Variants in NT5DC4 observed in about 807,000 individuals in gnomAD.
NT5DC4 encodes the protein 5'-nucleotidase domain-containing protein 4.
Under a neutral mutation model 26.6 loss-of-function variants are expected in NT5DC4, and 44 were observed. That is an observed-to-expected ratio of 1.65 (90% CI 1.30 to 2.13). The LOEUF (loss-of-function observed/expected upper bound fraction) is 2.13, where lower values mean the gene tolerates loss of function less well. Among genes scored for constraint, NT5DC4 ranks in the 30% most tolerant of loss-of-function variants. The pLI, the probability that NT5DC4 is intolerant of heterozygous loss-of-function variation, is 0.00. For missense variants in NT5DC4, 399 were observed against 228.1 expected (o/e 1.75, Z -4.83); for synonymous variants, 157 against 86.7 (o/e 1.81, Z -4.51).
upstream of NT5DC4, among the ~76,000 whole-genome samples, chr2:112,719,696 G>C (rs578176457): frequency 6.6e-6 from 1 of 151,950 alleles, no homozygotes; most frequent in Non-Finnish European, 1.5e-5. Context: ...GTGCTGGCCA[G>C]GCTTGTCTCA....
Position 112,738,998 on chromosome 2 carries a change from C to T in NT5DC4, c.*62C>T, listed in dbSNP as rs750251080. ...TGCTCGCTCAATCCTCGACGAACGC[C>T]GTACAGGAGTGATAAATTTCATGTC... is the stretch of plus-strand genomic sequence containing the variant. On this transcript the variant is annotated 3_prime_UTR_variant, in exon 17 of 17. Coordinates refer to ENST00000688554, the MANE Select transcript of NT5DC4 (RefSeq NM_001393655.1). 171 of 1,614,016 alleles carry T rather than the reference C, an allele frequency of 1.1e-4. No homozygotes were observed. Among genetic ancestry groups the T allele is most frequent in the Non-Finnish European group, 1.4e-4 (162 of 1,180,034 alleles).
chr2:112,723,019 AG>A, intron 6 of NT5DC4, 61 bp from the exon 7 acceptor site: 1 of 516,116 alleles, frequency 1.9e-6, no homozygotes, highest in Non-Finnish European at 3.7e-6. Flanking sequence ...TGTGGGACTC[AG>A]GGTTGGAGGT....
chr2:112,736,162 C>T lies in NT5DC4; in HGVS notation c.1345-2751C>T, dbSNP rs992961216. Among the ~76,000 whole-genome samples the T allele has an allele frequency of 4.6e-5, 7 of 152,108 alleles. No individual in the cohort carries two copies. The South Asian group carries it at 6.2e-4, about 14-fold the overall frequency. ...GGATCGATCATGAGAACCTGGTCGA[C>T]GGGCTTAGGACAGTGTCTGAGGTTC... On this transcript the variant is annotated intron_variant, in intron 16 of 16. Coordinates refer to ENST00000688554, the MANE Select transcript of NT5DC4 (RefSeq NM_001393655.1).
chr2:112,719,924 C>CTTTTTCTTTCTTTCTT, upstream of NT5DC4, among the ~76,000 whole-genome samples: 1 of 69,154 alleles, frequency 1.4e-5, no homozygotes, highest in African/African-American at 6.5e-5. Context: ...TTCTTTCTTT[C>CTTTTTCTTTCTTTCTT]TCTTTCTTTC....
intron 14 of NT5DC4, 69 bp downstream of exon 14, chr2:112,726,358 C>T (rs1447778324): frequency 1.4e-6 from 1 of 713,814 alleles, no homozygotes; most frequent in African/African-American, 1.7e-5. Flanking sequence ...GGCTCACATC[C>T]CTGCCTGGCG....
chr2:112,734,106 A>G (rs1238208861), intron 16 of NT5DC4, among the ~76,000 whole-genome samples: 3 of 151,842 alleles, frequency 2.0e-5, no homozygotes, highest in African/African-American at 7.3e-5. Context: ...ATATAGTGAG[A>G]TAACGGACAT....
intron 15 of NT5DC4, 153 bp downstream of exon 15, chr2:112,726,891 C>A: frequency 1.5e-6 from 1 of 654,758 alleles, no homozygotes; most frequent in Admixed American, 2.2e-5. Flanking sequence ...GCCTTGTCAG[C>A]CAGCGCCCTC....
intron 15 of NT5DC4, among the ~76,000 whole-genome samples, chr2:112,729,060 A>G (rs58694576): frequency 0.46 from 70,470 of 151,966 alleles, 16,602 homozygotes; most frequent in East Asian, 0.72. Flanking sequence ...GAACACACCA[A>G]CCCCCCATCC....
At chr2:112,721,578 A>T (rs972177241) in intron 1 of NT5DC4, 5 of 717,558 alleles carry the variant, frequency 7.0e-6, no homozygotes, top group Non-Finnish European at 1.3e-5. Context: ...TTGCCCGCAC[A>T]CACTCAGATG....
chr2:112,727,471 G>A (rs1677894083), intron 15 of NT5DC4, among the ~76,000 whole-genome samples: 1 of 152,184 alleles, frequency 6.6e-6, no homozygotes, highest in African/African-American at 2.4e-5. Flanking sequence ...GAGGCTGGGG[G>A]TGTCGCCTTG....
intron 16 of NT5DC4, among the ~76,000 whole-genome samples, chr2:112,730,486 C>T (rs1444889301): frequency 6.6e-6 from 1 of 152,156 alleles, no homozygotes; most frequent in Non-Finnish European, 1.5e-5. Context: ...ATTGAGGCTT[C>T]CTCCCCAGAC....
upstream of NT5DC4, among the ~76,000 whole-genome samples, chr2:112,720,034 CTTCT>C (rs200744966): frequency 5.6e-3 from 737 of 132,284 alleles, 20 homozygotes; most frequent in African/African-American, 0.021. Context: ...TCCTTCCTTC[CTTCT>C]TTCTTCCTTT....
At chr2:112,728,142 G>A (rs529978205) in intron 15 of NT5DC4, among the ~76,000 whole-genome samples, 5 of 152,348 alleles carry the variant, frequency 3.3e-5, no homozygotes, top group South Asian at 4.1e-4. Flanking sequence ...CTTAACAGAC[G>A]CATGGGAAGA....
At chr2:112,742,702 G>C, downstream of NT5DC4, 1 of 1,570,716 alleles carries the variant, frequency 6.4e-7, no homozygotes, top group South Asian at 1.1e-5. Context: ...AAAAATAATA[G>C]TACCTTCTGT....
chr2:112,736,658 A>G (rs1483120089), intron 16 of NT5DC4: 1 of 152,186 alleles, frequency 6.6e-6, no homozygotes, highest in Non-Finnish European at 1.5e-5. Flanking sequence ...CTTTCTTAAA[A>G]AATTAAATAT....
intron 15 of NT5DC4, 98 bp downstream of exon 15, chr2:112,726,836 A>G (rs1677805446): frequency 4.2e-6 from 3 of 708,446 alleles, no homozygotes; most frequent in Non-Finnish European, 7.9e-6. Context: ...TCGGTGCCAA[A>G]GGCCCAGTTA....
chr2:112,723,685 C>A lies in NT5DC4; in HGVS notation c.673-34C>A, dbSNP rs1348411034. ...AGGATCCCAGGGCAGCTCTGGGAGT[C>A]CCACCCCTGCAAGTCCCTCTATCTC... On this transcript the variant is annotated intron_variant, in intron 8 of 16. Coordinates refer to ENST00000688554, the MANE Select transcript of NT5DC4 (RefSeq NM_001393655.1). 4 of 713,802 alleles carry A rather than the reference C, an allele frequency of 5.6e-6. 1 individual carries two copies. The East Asian group carries it at 1.1e-4, about 19-fold the overall frequency. The allele number at this position is 713,802 out of a possible 1,614,324, so 44.2% of individuals were successfully genotyped here.
chr2:112,724,331 T>C (rs1007688193), intron 10 of NT5DC4: 4 of 611,454 alleles, frequency 6.5e-6, no homozygotes, highest in Non-Finnish European at 1.2e-5. Flanking sequence ...GGAGGAGCCT[T>C]TGGGGGTGAT....
chr2:112,741,177 G>A (rs3827761), downstream of NT5DC4, among the ~76,000 whole-genome samples: 61,509 of 151,880 alleles, frequency 0.4, 14,847 homozygotes, highest in East Asian at 0.69. Context: ...GTTTTTTCAC[G>A]TTAAGCTCTG....
Sources: gnomAD v4.1 joint callset for allele counts (sites outside exome capture counted in the v4.1 genomes callset) on GRCh38, gnomAD v4.1.1 for gene constraint, MANE v1.5 for transcripts, NCBI Gene and HGNC (gene_info 2026-07-23, HGNC 2026-07-21) for gene names.